Variants in LRFN5 observed in about 807,000 individuals in gnomAD.
The protein encoded by LRFN5 is leucine rich repeat and fibronectin type III domain containing 5.
A neutral mutation model predicts 45.6 loss-of-function variants in LRFN5; 24 were observed. The ratio of observed to expected loss-of-function variants is 0.53; its 90% CI spans 0.38 to 0.74. The LOEUF (loss-of-function observed/expected upper bound fraction) is 0.74, where lower values mean the gene tolerates loss of function less well. LRFN5 is among the 30% of genes least tolerant of loss of function. The pLI is 0.00. For synonymous variants in LRFN5, 340 were observed against 313.8 expected (o/e 1.08, Z -0.88); for missense variants, 776 against 861.5 (o/e 0.90, Z 1.24).
At chr14:41,835,997 A>G (rs1888650165) in intron 2 of LRFN5, among the ~76,000 whole-genome samples, 2 of 151,994 alleles carry the variant, frequency 1.3e-5, no homozygotes, top group Non-Finnish European at 2.9e-5. Context: ...TAATACAAAT[A>G]CTATAATAAT....
chr14:41,840,731 C>T (rs1464618074), intron 2 of LRFN5, among the ~76,000 whole-genome samples: 1 of 151,924 alleles, frequency 6.6e-6, no homozygotes, highest in East Asian at 1.9e-4. Context: ...CCATATTCTT[C>T]AGAGGACTGG....
At chr14:41,723,072 C>T (rs541081851) in intron 1 of LRFN5, among the ~76,000 whole-genome samples, 8 of 152,302 alleles carry the variant, frequency 5.3e-5, no homozygotes, top group Non-Finnish European at 8.8e-5. Flanking sequence ...GTGAGTGCTC[C>T]AGATAGCTGG....
chr14:41,902,885 T>C (rs1208042062), intron 5 of LRFN5, among the ~76,000 whole-genome samples: 1 of 151,636 alleles, frequency 6.6e-6, no homozygotes, highest in Non-Finnish European at 1.5e-5. Flanking sequence ...ATATGAGCTC[T>C]GCAATGAACC....
chr14:41,638,112 C>T (rs944222103), intron 1 of LRFN5, among the ~76,000 whole-genome samples: 152 of 152,220 alleles, frequency 1.0e-3, no homozygotes, highest in African/African-American at 3.6e-3. Flanking sequence ...TGACAGTAAC[C>T]TATCCATATG....
chr14:41,700,535 A>G (rs893490765), intron 1 of LRFN5: 3 of 152,170 alleles, frequency 2.0e-5, no homozygotes, highest in Admixed American at 6.6e-5. Context: ...GGGTTTCACA[A>G]TGTATTATTA....
intron 1 of LRFN5, among the ~76,000 whole-genome samples, chr14:41,626,963 CAG>C (rs1888356438): frequency 6.6e-6 from 1 of 152,058 alleles, no homozygotes; most frequent in Non-Finnish European, 1.5e-5. Context: ...TCATATTTAA[CAG>C]AAATATATTT....
rs190396226 is a variant in LRFN5, at chr14:41,658,355, C to T, written c.-197+49793C>T. Among the ~76,000 whole-genome samples, 45 of 152,040 alleles carry T rather than the reference C, an allele frequency of 3.0e-4. No individual in the cohort carries two copies. The East Asian group carries it at 7.4e-3, about 25-fold the overall frequency. ...ACATTCCTGATCAGTGTGTGATTGG[C>T]ACTTATACCATCTTCCTTTAATCAT... On this transcript the variant is annotated intron_variant, in intron 1 of 5. Coordinates refer to ENST00000298119, the MANE Select transcript of LRFN5 (RefSeq NM_152447.5).
chr14:41,661,308 T>C (rs899406492), intron 1 of LRFN5, among the ~76,000 whole-genome samples: 1 of 151,982 alleles, frequency 6.6e-6, no homozygotes, highest in Non-Finnish European at 1.5e-5. Context: ...AGCAATATTT[T>C]TCAAATTTTG....
chr14:41,781,706 AAAAG>A (rs201785794), intron 2 of LRFN5, among the ~76,000 whole-genome samples: 621 of 151,808 alleles, frequency 4.1e-3, no homozygotes, highest in Middle Eastern at 0.02. Context: ...AAGAGAAAGA[AAAAG>A]AGAGAGAGGA....
chr14:41,647,466 C>A (rs951996452), intron 1 of LRFN5, among the ~76,000 whole-genome samples: 4 of 152,010 alleles, frequency 2.6e-5, no homozygotes, highest in African/African-American at 9.7e-5. Context: ...GATGTAGGTA[C>A]GTCAGGAGAT....
intron 1 of LRFN5, among the ~76,000 whole-genome samples, chr14:41,717,953 T>C (rs1180451512): frequency 1.3e-5 from 2 of 152,176 alleles, no homozygotes; most frequent in African/African-American, 4.8e-5. Context: ...CTATGGAATA[T>C]AAGTATGCTT....
chr14:41,673,857 C>G (rs1461908556), intron 1 of LRFN5, among the ~76,000 whole-genome samples: 1 of 147,544 alleles, frequency 6.8e-6, no homozygotes, highest in Non-Finnish European at 1.5e-5. Context: ...GCTGAACCCC[C>G]TACCTCCCTC....
intron 2 of LRFN5, among the ~76,000 whole-genome samples, chr14:41,842,601 C>T (rs1024822274): frequency 6.6e-6 from 1 of 152,054 alleles, no homozygotes; most frequent in Admixed American, 6.6e-5. Flanking sequence ...TACACTGATA[C>T]ATTTATTTTC....
chr14:41,891,629 G>A lies in LRFN5; in HGVS notation c.1765G>A (p.Val589Met), dbSNP rs772023044. ...QGCSVTLPQS[V>M]SKQAVGHEEN... ...CTGTAGTGTAACGCTGCCCCAGTCC[G>A]TGTCCAAACAAGCTGTGGGACACGA... Residue 589 changes from valine (V) to methionine (M), a missense_variant, in exon 4 of 6, where the codon GTG (valine) becomes ATG (methionine). By Grantham distance (21) the Val-to-Met change is conservative (BLOSUM62 1). Transcript: ENST00000298119. The A allele has an allele frequency of 9.3e-6, 15 of 1,614,156 alleles. No homozygotes were observed. Among genetic ancestry groups the A allele is most frequent in the South Asian group, 3.3e-5 (3 of 91,078 alleles).
chr14:41,652,160 TA>T (rs1267247434), intron 1 of LRFN5, among the ~76,000 whole-genome samples: 16 of 152,200 alleles, frequency 1.1e-4, no homozygotes, highest in African/African-American at 3.8e-4. Flanking sequence ...TTTCTAATAT[TA>T]AAATTGTTTT....
At chr14:41,867,561 T>G (rs1354478050) in intron 2 of LRFN5, among the ~76,000 whole-genome samples, 3 of 152,168 alleles carry the variant, frequency 2.0e-5, no homozygotes, top group Non-Finnish European at 2.9e-5. Flanking sequence ...TTGGTTAGGA[T>G]GGGTGGCATG....
intron 2 of LRFN5, among the ~76,000 whole-genome samples, chr14:41,802,800 T>G (rs1162684201): frequency 1.3e-5 from 2 of 152,062 alleles, no homozygotes; most frequent in African/African-American, 4.8e-5. Context: ...TTTAAATTGT[T>G]TAATAGAAGG....
intron 2 of LRFN5, among the ~76,000 whole-genome samples, chr14:41,793,360 C>A (rs569869309): frequency 1.3e-5 from 2 of 152,092 alleles, no homozygotes; most frequent in South Asian, 4.2e-4. Flanking sequence ...TCTGACATAC[C>A]AAAGTCCTAT....
chr14:41,653,337 G>C (rs572566238), intron 1 of LRFN5, among the ~76,000 whole-genome samples: 19 of 152,076 alleles, frequency 1.2e-4, no homozygotes, highest in African/African-American at 2.2e-4. Context: ...AGTTAATTTT[G>C]TATAAGGTGT....
Sources: allele counts gnomAD v4.1 joint callset (sites outside exome capture counted in the v4.1 genomes callset), GRCh38; gene constraint gnomAD v4.1.1; transcripts MANE v1.5; gene names NCBI Gene and HGNC (gene_info 2026-07-23, HGNC 2026-07-21).